WDPCP: variants seen among roughly 807,000 people sequenced by gnomAD.
WDPCP encodes the protein WD repeat containing planar cell polarity effector.
WDPCP carries 71 observed loss-of-function variants against 93.1 expected under a neutral mutation model. That is an observed-to-expected ratio of 0.76 (90% CI 0.63 to 0.93). The LOEUF is 0.93. WDPCP is among the 40% of genes least tolerant of loss of function. The probability of loss-of-function intolerance (pLI) is 0.00; values close to 1 mark genes in which losing one functional copy is unlikely to be tolerated. For missense variants in WDPCP, 844 were observed against 887.4 expected (o/e 0.95, Z 0.62); for synonymous variants, 315 against 315.0 (o/e 1.00, Z 0.00).
At position 63,732,740 on chromosome 2, in the gene WDPCP, A is replaced by G. The variant is rs185949315; in HGVS notation, n.308+80882T>C. On this transcript the variant is annotated intron_variant and non_coding_transcript_variant, in intron 2 of 4. Transcript: ENST00000467687. ...AGCAAATACCATTGCATGGGATATG[A>G]CATTATTTTTGGAGTCACTCAACCA... 3.4e-3 allele frequency among the ~76,000 whole-genome samples: 519 copies of G among 152,346 alleles called. 7 individuals carry two copies. Among genetic ancestry groups the G allele is most frequent in the African/African-American group, 0.012 (505 of 41,584 alleles).
chr2:63,164,451 G>A (rs1256304853), intron 15 of WDPCP, among the ~76,000 whole-genome samples: 1 of 152,066 alleles, frequency 6.6e-6, no homozygotes, highest in Non-Finnish European at 1.5e-5. Context: ...GAGATCTGGT[G>A]GTTTAAAAGT....
intron 3 of WDPCP, among the ~76,000 whole-genome samples, chr2:63,636,152 A>T (rs994884231): frequency 6.6e-6 from 1 of 152,234 alleles, no homozygotes; most frequent in Non-Finnish European, 1.5e-5. Flanking sequence ...AATTTTAACT[A>T]TGGAGGTAAA....
At chr2:63,716,582 T>C (rs1049384427) in intron 2 of WDPCP, among the ~76,000 whole-genome samples, 3 of 152,214 alleles carry the variant, frequency 2.0e-5, no homozygotes, top group African/African-American at 7.2e-5. Flanking sequence ...TCCACCCATT[T>C]TGTTTCTAGT....
At chr2:63,700,237 C>T (rs1238176470) in intron 2 of WDPCP, among the ~76,000 whole-genome samples, 3 of 131,354 alleles carry the variant, frequency 2.3e-5, no homozygotes, top group African/African-American at 6.0e-5. Context: ...GAGCCACGAT[C>T]GTGCCACTGT....
At chr2:63,236,093 C>T (rs934896954) in intron 14 of WDPCP, among the ~76,000 whole-genome samples, 8 of 152,160 alleles carry the variant, frequency 5.3e-5, no homozygotes, top group Non-Finnish European at 8.8e-5. Flanking sequence ...CTAAGTACTT[C>T]ACCAGGAGAC....
At chr2:63,313,205 C>A in intron 13 of WDPCP, 43 bp downstream of exon 13, 1 of 1,583,596 alleles carries the variant, frequency 6.3e-7, no homozygotes, top group Non-Finnish European at 8.7e-7. Context: ...GACAACTTAG[C>A]CTTAGAACTG....
At chr2:63,291,404 C>G (rs890984572) in intron 13 of WDPCP, among the ~76,000 whole-genome samples, 9 of 152,192 alleles carry the variant, frequency 5.9e-5, no homozygotes, top group Admixed American at 5.9e-4. Context: ...ATGTGCTACA[C>G]AGACTTATTT....
chr2:63,709,618 C>T (rs571985254), intron 2 of WDPCP, among the ~76,000 whole-genome samples: 2 of 152,174 alleles, frequency 1.3e-5, no homozygotes, highest in South Asian at 2.1e-4. Flanking sequence ...CTAACTGCCT[C>T]TAAATTGTTT....
chr2:63,342,618 A>G (rs1688923643), intron 12 of WDPCP, among the ~76,000 whole-genome samples: 3 of 152,206 alleles, frequency 2.0e-5, no homozygotes, highest in Admixed American at 1.3e-4. Flanking sequence ...CGTAGCTTCA[A>G]TAACATACAA....
chr2:63,388,251 A>G (rs2103392), intron 10 of WDPCP, among the ~76,000 whole-genome samples: 85,913 of 151,986 alleles, frequency 0.57, 24,635 homozygotes, highest in Admixed American at 0.64. Context: ...GTGATACCCA[A>G]GCAAACAGGG....
intron 3 of WDPCP, among the ~76,000 whole-genome samples, chr2:63,641,755 T>G (rs186894540): frequency 6.6e-6 from 1 of 152,186 alleles, no homozygotes; most frequent in African/African-American, 2.4e-5. Flanking sequence ...TCTCTTCACT[T>G]TATTGATTGT....
intron 10 of WDPCP, among the ~76,000 whole-genome samples, chr2:63,397,779 A>G (rs1375676126): frequency 6.6e-6 from 1 of 152,212 alleles, no homozygotes; most frequent in Non-Finnish European, 1.5e-5. Context: ...CGCAGAAGAT[A>G]CAGCCAGAGC....
intron 1 of WDPCP, among the ~76,000 whole-genome samples, chr2:63,573,804 C>A (rs973557264): frequency 6.6e-6 from 1 of 152,134 alleles, no homozygotes; most frequent in Non-Finnish European, 1.5e-5. Context: ...CCGCTGAATT[C>A]TTTTTCTCAG....
intron 11 of WDPCP, among the ~76,000 whole-genome samples, 172 bp downstream of exon 11, chr2:63,381,734 C>A (rs1434594820): frequency 4.6e-5 from 7 of 152,130 alleles, no homozygotes; most frequent in African/African-American, 1.7e-4. Context: ...ACAGTAAGTA[C>A]TATATGGGAG....
At chr2:63,354,328 A>C (rs570979741) in intron 12 of WDPCP, among the ~76,000 whole-genome samples, 1 of 152,298 alleles carries the variant, frequency 6.6e-6, no homozygotes, top group South Asian at 2.1e-4. Flanking sequence ...ACACTTGGCC[A>C]TAACCACTAT....
chr2:63,825,699 T>C (rs1671104009), intron 1 of WDPCP, among the ~76,000 whole-genome samples: 1 of 152,008 alleles, frequency 6.6e-6, no homozygotes, highest in Admixed American at 6.6e-5. Context: ...AAGTGAACTT[T>C]AATCATGTGA....
chr2:63,423,726 T>A (rs1200804945), intron 9 of WDPCP, among the ~76,000 whole-genome samples: 1 of 152,150 alleles, frequency 6.6e-6, no homozygotes, highest in Non-Finnish European at 1.5e-5. Context: ...AAAAGTTGGT[T>A]CAAGCTGAAG....
intron 2 of WDPCP, among the ~76,000 whole-genome samples, chr2:63,662,372 T>A (rs1336449780): frequency 6.6e-6 from 1 of 152,174 alleles, no homozygotes; most frequent in East Asian, 1.9e-4. Context: ...GGTCTGTTTG[T>A]GTATATATGT....
At chr2:63,783,297 T>C (rs1670422980) in intron 2 of WDPCP, among the ~76,000 whole-genome samples, 1 of 151,796 alleles carries the variant, frequency 6.6e-6, no homozygotes, top group Non-Finnish European at 1.5e-5. Context: ...TGGTACACAC[T>C]GTAGTCCTAG....
Sources: gnomAD v4.1 joint callset for allele counts (sites outside exome capture counted in the v4.1 genomes callset) on GRCh38, gnomAD v4.1.1 for gene constraint, MANE v1.5 for transcripts, NCBI Gene and HGNC (gene_info 2026-07-23, HGNC 2026-07-21) for gene names.